BRIP1: variants seen among roughly 807,000 people sequenced by gnomAD.
BRIP1 encodes the protein BRCA1 interacting DNA helicase 1, also known as Fanconi anemia group J protein.
BRIP1 carries 88 observed loss-of-function variants against 119.7 expected under a neutral mutation model. The ratio of observed to expected loss-of-function variants is 0.74; its 90% CI spans 0.62 to 0.88. The LOEUF (loss-of-function observed/expected upper bound fraction) is 0.88. BRIP1 is among the 40% of genes least tolerant of loss of function. The pLI is 0.00. For synonymous variants in BRIP1, 443 were observed against 496.5 expected, an observed-to-expected ratio of 0.89 and a Z score of 1.43; for missense variants, 1,259 against 1,455.4, an observed-to-expected ratio of 0.87 and a Z score of 2.20.
At chr17:61,698,463 T>C (rs1026004240) in intron 17 of BRIP1, among the ~76,000 whole-genome samples, 3 of 152,162 alleles carry the variant, frequency 2.0e-5, no homozygotes, top group African/African-American at 2.4e-5. Flanking sequence ...TTTCCTGTTG[T>C]TGGGTGAAGT....
In BRIP1 at chr17:61,778,963, A is replaced by G. The variant is rs2077574542; in HGVS notation, c.1935+1298T>C. ...GCACACAGGTGATGTTAACTTAACCACTTTAGCATTAACCACAGCTTAACA... is the reference window on the plus strand; with the variant it reads ...GCACACAGGTGATGTTAACTTAACCGCTTTAGCATTAACCACAGCTTAACA... On this transcript the variant is annotated intron_variant, in intron 13 of 19. Transcript: ENST00000259008. The surrounding 1 kb of genome is among the most constrained non-coding windows in gnomAD (Gnocchi z 4.4). 6.6e-6 allele frequency among the ~76,000 whole-genome samples: 1 copy of G among 152,214 alleles called. No homozygotes were observed. Among genetic ancestry groups the G allele is most frequent in the Non-Finnish European group, 1.5e-5 (1 of 68,032 alleles).
intron 13 of BRIP1, among the ~76,000 whole-genome samples, chr17:61,777,516 T>TCG (rs1219690474): frequency 1.4e-4 from 22 of 152,266 alleles, no homozygotes; most frequent in African/African-American, 4.8e-4. Flanking sequence ...TTGTTTTTAC[T>TCG]TGCACTTCTG....
Position 61,704,141 on chromosome 17 carries a change from T to C in BRIP1, c.2493-10629A>G, listed in dbSNP as rs1290231708. Among the ~76,000 whole-genome samples the C allele has an allele frequency of 6.6e-6, 1 of 152,206 alleles. No individual in the cohort carries two copies. The highest frequency in any genetic ancestry group is 1.9e-4 in the East Asian group (1 of 5,204). On this transcript the variant is annotated intron_variant, in intron 17 of 19. Transcript: ENST00000259008. The surrounding 1 kb of genome is among the most constrained non-coding windows in gnomAD (Gnocchi z 5.7). ...GCACCATTTATTGAACAAGGAGTCCTTTCCCCATTGTTTATTTTTGCTAAT... is the reference window on the plus strand; with the variant it reads ...GCACCATTTATTGAACAAGGAGTCCCTTCCCCATTGTTTATTTTTGCTAAT...
At position 61,680,476 on chromosome 17, in the gene BRIP1, A is replaced by ATTCC. The variant is rs1555571881; in HGVS notation, c.*2819_*2820insGGAA. Among the ~76,000 whole-genome samples, 1 of 74,700 alleles carries ATTCC rather than the reference A, an allele frequency of 1.3e-5. No homozygotes were observed. The highest frequency in any genetic ancestry group is 5.2e-5 in the African/African-American group (1 of 19,196). 49.0% of individuals were successfully genotyped at this position (74,700 alleles called of 152,430 possible). ...ATGTAGTTTACCAATTCTAAAGGTA[A>ATTCC]TTTCTTTTTTTTTTTTTTTTTGAGA... On this transcript the variant is annotated 3_prime_UTR_variant, in exon 20 of 20. Coordinates refer to ENST00000259008, the MANE Select transcript of BRIP1 (RefSeq NM_032043.3).
chr17:61,767,945 T>C lies in BRIP1; in HGVS notation c.2097+8456A>G, dbSNP rs1384791619. On this transcript the variant is annotated intron_variant, in intron 14 of 19. Transcript: ENST00000259008. This position sits in a 1 kb window ranked among gnomAD's most constrained non-coding sequence, Gnocchi z 5.7. Reference sequence around the variant, plus strand: ...CCACTGAAATATCAACCACCTCCTCTAGGAAACTCCTCTGCTTCATTCAAT... The same window carrying C: ...CCACTGAAATATCAACCACCTCCTCCAGGAAACTCCTCTGCTTCATTCAAT... Among the ~76,000 whole-genome samples, 1 of 152,188 alleles carries C rather than the reference T, an allele frequency of 6.6e-6. No individual in the cohort carries two copies. The highest frequency in any genetic ancestry group is 2.4e-5 in the African/African-American group (1 of 41,464).
At position 61,809,234 on chromosome 17, in the gene BRIP1, A is replaced by G. The variant is rs1381673666; in HGVS notation, c.628-477T>C. On this transcript the variant is annotated intron_variant, in intron 6 of 19. Transcript: ENST00000259008. The surrounding 1 kb of genome is among the most constrained non-coding windows in gnomAD (Gnocchi z 5.2). Reference sequence around the variant, plus strand: ...TAAATATAGTTTACAAAAGAATAGAATTATCAAGTTGAATCTAAAGGATCA... The same window carrying G: ...TAAATATAGTTTACAAAAGAATAGAGTTATCAAGTTGAATCTAAAGGATCA... Among the ~76,000 whole-genome samples the G allele has an allele frequency of 6.6e-6, 1 of 152,226 alleles. No individual in the cohort carries two copies. Among genetic ancestry groups the G allele is most frequent in the African/African-American group, 2.4e-5 (1 of 41,474 alleles).
intron 6 of BRIP1, among the ~76,000 whole-genome samples, chr17:61,838,634 T>A (rs969773624): frequency 6.6e-5 from 10 of 151,708 alleles, no homozygotes; most frequent in Admixed American, 6.6e-4. Flanking sequence ...TCCTTCCATA[T>A]GAAGGAACTG....
At position 61,857,188 on chromosome 17, in the gene BRIP1, T is replaced by C. The variant is rs45528833; in HGVS notation, c.249A>G (p.Gln83=). 267 of 1,614,068 alleles carry C rather than the reference T, an allele frequency of 1.7e-4. No individual in the cohort carries two copies. Among genetic ancestry groups the C allele is most frequent in the Non-Finnish European group, 2.0e-4 (236 of 1,179,934 alleles). ...AATGGCATGCACAACAACATGACAA[T>C]TGTACTTCAGCTTTTTCACTTACGC... ...DEGVSEKAEV[Q]LSCCCACHSK... is the part of the protein sequence containing the mutation. The change falls in exon 4 of 20, where the codon CAA becomes CAG. Residue 83 remains glutamine (Q), a synonymous_variant. Transcript: ENST00000259008. The surrounding 1 kb of genome is among the most constrained non-coding windows in gnomAD (Gnocchi z 5.1).
Position 61,681,159 on chromosome 17 carries a change from C to A in BRIP1, c.*2137G>T. The A allele has an allele frequency of 5.2e-6, 1 of 192,680 alleles. No individual in the cohort carries two copies. The allele number at this position is 192,680 out of a possible 1,614,324, so 11.9% of individuals were successfully genotyped here. A position where few individuals can be genotyped will look rare whatever the true frequency, so the allele number is the denominator to read the frequency against. On this transcript the variant is annotated 3_prime_UTR_variant, in exon 20 of 20. Coordinates refer to ENST00000259008, the MANE Select transcript of BRIP1 (RefSeq NM_032043.3). This position sits in a 1 kb window ranked among gnomAD's most constrained non-coding sequence, Gnocchi z 5.1. ...CAATTACCTCCCACTGGGTCCTTCC[C>A]ACAACACGTCGGGATTATGGGAACT...
chr17:61,854,518 C>T (rs1469767008), intron 4 of BRIP1, among the ~76,000 whole-genome samples: 1 of 151,858 alleles, frequency 6.6e-6, no homozygotes, highest in East Asian at 1.9e-4. Context: ...AGCAGCCTGA[C>T]CAACGTGGTG....
chr17:61,786,749 A>G (rs2077714317), intron 10 of BRIP1, among the ~76,000 whole-genome samples: 2 of 136,900 alleles, frequency 1.5e-5, no homozygotes, highest in African/African-American at 5.4e-5. Context: ...GGTTATTTCT[A>G]TATTATATAT....
intron 14 of BRIP1, among the ~76,000 whole-genome samples, chr17:61,749,570 A>G (rs1295656302): frequency 6.6e-6 from 1 of 152,182 alleles, no homozygotes; most frequent in Non-Finnish European, 1.5e-5. Flanking sequence ...AGCTGTTCGG[A>G]AGGCCATTAT....
chr17:61,837,337 T>C (rs947754221), intron 6 of BRIP1, among the ~76,000 whole-genome samples: 1 of 151,880 alleles, frequency 6.6e-6, no homozygotes, highest in African/African-American at 2.4e-5. Context: ...AAATGGGGTA[T>C]GGGAGGAAGA....
At chr17:61,839,407 T>C (rs545631986) in intron 6 of BRIP1, among the ~76,000 whole-genome samples, 134 of 152,184 alleles carry the variant, frequency 8.8e-4, no homozygotes, top group African/African-American at 3.1e-3. Flanking sequence ...GGTTTTTTTT[T>C]CCCATAACCT....
chr17:61,785,287 C>T (rs2077688903), intron 10 of BRIP1, among the ~76,000 whole-genome samples: 1 of 152,090 alleles, frequency 6.6e-6, no homozygotes, highest in East Asian at 1.9e-4. Flanking sequence ...TTAACTGGTT[C>T]TTTGGTCTTT....
In BRIP1 at chr17:61,851,064, C is replaced by G. The variant is rs1396091880; in HGVS notation, c.380-1808G>C. On this transcript the variant is annotated intron_variant, in intron 4 of 19. Coordinates refer to ENST00000259008, the MANE Select transcript of BRIP1 (RefSeq NM_032043.3). The surrounding 1 kb of genome is among the most constrained non-coding windows in gnomAD (Gnocchi z 4.6). ...CCAACGTGACGAAAGCCCATCTCTACTAAAAATACAAAAATTAGCTGGGCA... is the reference window on the plus strand; with the variant it reads ...CCAACGTGACGAAAGCCCATCTCTAGTAAAAATACAAAAATTAGCTGGGCA... Among the ~76,000 whole-genome samples, 1 of 151,086 alleles carries G rather than the reference C, an allele frequency of 6.6e-6. No homozygotes were observed. The highest frequency in any genetic ancestry group is 2.4e-5 in the African/African-American group (1 of 41,032).
intron 5 of BRIP1, among the ~76,000 whole-genome samples, chr17:61,847,875 A>G (rs1326404355): frequency 6.6e-6 from 1 of 152,344 alleles, no homozygotes; most frequent in East Asian, 1.9e-4. Flanking sequence ...AATGAGAACC[A>G]GTGAAGTGAG....
In BRIP1 at chr17:61,739,796, A is replaced by G. The variant is rs182916743; in HGVS notation, c.2379+3217T>C. ...AAATCTCAAATTTTCTCAGATTGCC[A>G]GCACTTTCAAATGCCTGTAGGAAGT... On this transcript the variant is annotated intron_variant, in intron 16 of 19. Transcript: ENST00000259008. The surrounding 1 kb of genome is among the most constrained non-coding windows in gnomAD (Gnocchi z 6.0). 5.2e-4 allele frequency among the ~76,000 whole-genome samples: 79 copies of G among 152,302 alleles called. No individual in the cohort carries two copies. Among genetic ancestry groups the G allele is most frequent in the African/African-American group, 1.8e-3 (75 of 41,568 alleles).
rs754400631 is a variant in BRIP1 at position 61,776,545 on chromosome 17, A to G, written c.1953T>C (p.Ile651=). Residue 651 remains isoleucine, a synonymous_variant, in exon 14 of 20, where the codon ATT becomes ATC. Transcript: ENST00000259008. This position sits in a 1 kb window ranked among gnomAD's most constrained non-coding sequence, Gnocchi z 5.0. The part of the protein sequence containing the change: ...IKNSQVWVGT[I]GSGPKGRNLC... Reference sequence around the variant, plus strand: ...GATTCCGACCCTTGGGGCCTGACCCAATGGTACCAACCCAAACCTAGAATA... The same window carrying G: ...GATTCCGACCCTTGGGGCCTGACCCGATGGTACCAACCCAAACCTAGAATA... 6.2e-7 allele frequency: 1 copy of G among 1,614,188 alleles called. No homozygotes were observed. The highest frequency in any genetic ancestry group is 8.5e-7 in the Non-Finnish European group (1 of 1,180,004).
Sources: allele counts gnomAD v4.1 joint callset (sites outside exome capture counted in the v4.1 genomes callset), GRCh38; gene constraint gnomAD v4.1.1; non-coding constraint Gnocchi (gnomAD v3.1); transcripts MANE v1.5; gene names NCBI Gene and HGNC (gene_info 2026-07-23, HGNC 2026-07-21).